The following ZNF829 variants were observed in gnomAD, a reference collection of about 807,000 sequenced individuals.
ZNF829 encodes zinc finger protein 829.
ZNF829 carries 25 observed loss-of-function variants against 35.2 expected under a neutral mutation model. The ratio of observed to expected loss-of-function variants is 0.71; its 90% CI spans 0.52 to 0.99. The LOEUF (loss-of-function observed/expected upper bound fraction) is 0.99, where lower values mean the gene tolerates loss of function less well. Among genes scored for constraint, ZNF829 ranks in the 50% least tolerant of loss-of-function variants. ZNF829 has a pLI of 0.00. For synonymous variants in ZNF829, 136 were observed against 163.2 expected, an observed-to-expected ratio of 0.83 and a Z score of 1.27; for missense variants, 417 against 515.3, an observed-to-expected ratio of 0.81 and a Z score of 1.85.
chr19:36,900,145 A>AAAACAC (rs1489365490), intron 5 of ZNF829, among the ~76,000 whole-genome samples: 142 of 120,490 alleles, frequency 1.2e-3, no homozygotes, highest in African/African-American at 4.4e-3. Flanking sequence ...GTCTCTACTA[A>AAAACAC]ACACACACAC....
intron 5 of ZNF829, among the ~76,000 whole-genome samples, chr19:36,895,942 G>A (rs576589520): frequency 6.6e-6 from 1 of 152,160 alleles, no homozygotes; most frequent in African/African-American, 2.4e-5. Flanking sequence ...CAAGGCGGGA[G>A]GATCACTTGA....
chr19:36,903,969 C>A (rs1279271495), intron 5 of ZNF829, among the ~76,000 whole-genome samples: 2 of 152,022 alleles, frequency 1.3e-5, no homozygotes, highest in African/African-American at 4.8e-5. Context: ...TATTTTCAAT[C>A]CAGTATTTGA....
intron 5 of ZNF829, 126 bp downstream of exon 5, chr19:36,907,803 G>GA (rs113535347): frequency 0.16 from 89,732 of 564,658 alleles, no homozygotes; most frequent in South Asian, 0.18. Context: ...AAAAGTATGA[G>GA]AAAAAAAAAA....
rs539256205 is a variant in ZNF829, at chr19:36,896,297, CAA to C, written c.320-3828_320-3827del. On this transcript the variant is annotated intron_variant, in intron 5 of 5. Transcript: ENST00000391711. The stretch of plus-strand genomic sequence containing the variant: ...CTGCACTCCAGCTTGGGTGACAGAG[CAA>C]GACTGTCAAAAAAAAAAAAAGAAAG... Among the ~76,000 whole-genome samples the C allele has an allele frequency of 3.2e-4, 46 of 142,280 alleles. No individual in the cohort carries two copies. In the East Asian group the frequency reaches 9.2e-3, roughly 28 times the overall value. The allele number at this position is 142,280 out of a possible 152,430, so 93.3% of individuals were successfully genotyped here. A position where few individuals can be genotyped will look rare whatever the true frequency, so the allele number is the denominator to read the frequency against.
chr19:36,907,672 A>C, intron 5 of ZNF829: 1 of 283,636 alleles, frequency 3.5e-6, no homozygotes. Flanking sequence ...CAGGGTGGGA[A>C]TGTCTACTGT....
intron 5 of ZNF829, 54 bp from the exon 6 acceptor site, chr19:36,892,525 T>C: frequency 6.7e-7 from 1 of 1,487,768 alleles, no homozygotes; most frequent in Non-Finnish European, 8.9e-7. Context: ...AAGTTAAAAC[T>C]TCTAAAAAAG....
intron 5 of ZNF829, among the ~76,000 whole-genome samples, chr19:36,896,093 C>G (rs1180928532): frequency 6.6e-6 from 1 of 151,956 alleles, no homozygotes; most frequent in Non-Finnish European, 1.5e-5. Flanking sequence ...AGGCAGATCA[C>G]GAGGTCAGGA....
At chr19:36,899,964 C>T (rs921962041) in intron 5 of ZNF829, among the ~76,000 whole-genome samples, 18 of 151,642 alleles carry the variant, frequency 1.2e-4, no homozygotes, top group African/African-American at 3.9e-4. Flanking sequence ...TATTTGCTAG[C>T]AAAACAGGGT....
intron 3 of ZNF829, chr19:36,913,166 C>T (rs1316131350): frequency 2.0e-5 from 3 of 152,158 alleles, no homozygotes; most frequent in Non-Finnish European, 4.4e-5. Context: ...AGGGAAGACT[C>T]AGTCCTCTTT....
At chr19:36,898,959 A>C (rs900397059) in intron 5 of ZNF829, among the ~76,000 whole-genome samples, 1 of 152,178 alleles carries the variant, frequency 6.6e-6, no homozygotes, top group Non-Finnish European at 1.5e-5. Flanking sequence ...TTTAGATAAG[A>C]CCTCAAAGAT....
chr19:36,906,073 A>G (rs761018403), intron 5 of ZNF829: 6 of 152,224 alleles, frequency 3.9e-5, no homozygotes, highest in Non-Finnish European at 7.3e-5. Flanking sequence ...CTCACAACAC[A>G]TACAAATACC....
intron 5 of ZNF829, among the ~76,000 whole-genome samples, chr19:36,896,580 A>G (rs1353199363): frequency 6.6e-6 from 1 of 152,162 alleles, no homozygotes; most frequent in Non-Finnish European, 1.5e-5. Flanking sequence ...TAGATAGAAA[A>G]TCAACAGCTT....
At chr19:36,895,285 C>T (rs183912996) in intron 5 of ZNF829, among the ~76,000 whole-genome samples, 73 of 152,046 alleles carry the variant, frequency 4.8e-4, no homozygotes, top group African/African-American at 1.7e-3. Flanking sequence ...TAGGGTGGCC[C>T]GATCAAAAAT....
chr19:36,900,170 AC>A (rs1226456841), intron 5 of ZNF829, among the ~76,000 whole-genome samples: 23 of 150,144 alleles, frequency 1.5e-4, no homozygotes, highest in South Asian at 1.3e-3. Context: ...ACACACACAC[AC>A]ACACACACAC....
At chr19:36,915,902 G>T (rs2073322341) in intron 1 of ZNF829, 109 bp downstream of exon 1, 2 of 1,535,908 alleles carry the variant, frequency 1.3e-6, no homozygotes, top group Non-Finnish European at 1.7e-6. Context: ...GGGGCCCAAG[G>T]CGCCAGCTCC....
intron 5 of ZNF829, among the ~76,000 whole-genome samples, chr19:36,905,144 T>C (rs972249788): frequency 6.6e-6 from 1 of 152,182 alleles, no homozygotes; most frequent in Non-Finnish European, 1.5e-5. Flanking sequence ...TTTACAACTT[T>C]CTTCTGAGCG....
rs1027333590 is a variant in ZNF829, at chr19:36,889,280, G to C, written c.*2212C>G. The C allele has an allele frequency of 3.8e-4, 58 of 152,196 alleles. No individual in the cohort carries two copies. The highest frequency in any genetic ancestry group is 1.3e-3 in the African/African-American group (55 of 41,532). 9.4% of individuals were successfully genotyped at this position (152,196 alleles called of 1,614,324 possible). ...TTTTTGTGTGTTTTATCCTTGCCTGGCTTCAGTATCAGGATGATACTGGCT... is the reference window on the plus strand; with the variant it reads ...TTTTTGTGTGTTTTATCCTTGCCTGCCTTCAGTATCAGGATGATACTGGCT... On this transcript the variant is annotated 3_prime_UTR_variant, in exon 6 of 6. Transcript: ENST00000391711.
At chr19:36,900,929 T>C (rs2073160232) in intron 5 of ZNF829, among the ~76,000 whole-genome samples, 1 of 151,368 alleles carries the variant, frequency 6.6e-6, no homozygotes, top group South Asian at 2.1e-4. Flanking sequence ...CTGGTGGGCA[T>C]GTAAAATGGT....
chr19:36,902,037 C>A, intron 5 of ZNF829: 6 of 601,368 alleles, frequency 1.0e-5, no homozygotes, highest in East Asian at 3.1e-5. Context: ...GAAGATTCAC[C>A]AAATAAACTC....
Sources: gnomAD v4.1 joint callset for allele counts (sites outside exome capture counted in the v4.1 genomes callset) on GRCh38, gnomAD v4.1.1 for gene constraint, MANE v1.5 for transcripts, NCBI Gene and HGNC (gene_info 2026-07-23, HGNC 2026-07-21) for gene names.